Variants in TTF1 observed in about 807,000 individuals in gnomAD.
TTF1 encodes the protein transcription termination factor, RNA polymerase I.
Under a neutral mutation model 80.2 loss-of-function variants are expected in TTF1, and 64 were observed. That is an observed-to-expected ratio of 0.80 (90% CI 0.65 to 0.98). The LOEUF is 0.98. TTF1 is among the 50% of genes least tolerant of loss of function. The pLI is 0.00. For synonymous variants in TTF1, 372 were observed against 382.7 expected (o/e 0.97, Z 0.33); for missense variants, 1,023 against 1,086.2 (o/e 0.94, Z 0.82).
At chr9:132,391,769 C>A (rs1471226592) in intron 6 of TTF1, among the ~76,000 whole-genome samples, 1 of 152,210 alleles carries the variant, frequency 6.6e-6, no homozygotes, top group African/African-American at 2.4e-5. Context: ...CGTGCCACTG[C>A]GGGGAAGTGA....
At chr9:132,392,262 G>A in intron 5 of TTF1, 56 bp from the exon 6 acceptor site, 1 of 1,603,730 alleles carries the variant, frequency 6.2e-7, no homozygotes, top group Non-Finnish European at 8.5e-7. Flanking sequence ...ATTAAAAATG[G>A]TATTCTCATC....
In TTF1 at chr9:132,402,487, A is replaced by G. The variant is rs1204290582; in HGVS notation, c.335T>C (p.Ile112Thr). 6 of 1,614,230 alleles carry G rather than the reference A, an allele frequency of 3.7e-6. No homozygotes were observed. Among genetic ancestry groups the G allele is most frequent in the East Asian group, 2.2e-5 (1 of 44,890 alleles). The change falls in exon 2 of 11, where the codon ATT becomes ACT. Residue 112 changes from isoleucine (I) to threonine (T), a missense_variant. Coordinates refer to ENST00000334270, the MANE Select transcript of TTF1 (RefSeq NM_007344.4). The part of the protein sequence containing the change: ...VTVVLVDKEN[I>T]NNTPKHFRKD... ...TCTAAAATGCTTTGGTGTGTTGTTA[A>G]TATTTTCTTTATCCACAAGGACAAC...
chr9:132,396,587 C>T (rs770954969), intron 4 of TTF1, 76 bp from the exon 5 acceptor site: 9 of 1,226,826 alleles, frequency 7.3e-6, no homozygotes, highest in Non-Finnish European at 1.1e-5. Context: ...CCAGAACAGC[C>T]CTTATAACAA....
Position 132,402,835 on chromosome 9 carries a change from G to A in TTF1, c.-7-7C>T. The A allele has an allele frequency of 6.4e-7, 1 of 1,561,144 alleles. No individual in the cohort carries two copies. Among genetic ancestry groups the A allele is most frequent in the Non-Finnish European group, 8.6e-7 (1 of 1,161,516 alleles). On this transcript the variant is annotated splice_polypyrimidine_tract_variant and splice_region_variant and intron_variant, in intron 1 of 10. Transcript: ENST00000334270. ...TTCTCCTTCCATTTTATTCCTATAT[G>A]GAAATGTGACAACAATGGTTTATTT...
chr9:132,402,177 A>G lies in TTF1; in HGVS notation c.645T>C (p.His215=), dbSNP rs752598521. ...GEITELPASA[H]KNKSKKKKKK... ...TCTTTTTTTTCTTAGACTTGTTTTT[A>G]TGAGCAGATGCTGGTAGTTCTGTAA... is the stretch of plus-strand genomic sequence containing the variant. The change falls in exon 2 of 11, where the codon CAT becomes CAC. Residue 215 remains histidine (H), a synonymous_variant. Coordinates refer to ENST00000334270, the MANE Select transcript of TTF1 (RefSeq NM_007344.4). 6.2e-7 allele frequency: 1 copy of G among 1,613,798 alleles called. No individual in the cohort carries two copies. Among genetic ancestry groups the G allele is most frequent in the Non-Finnish European group, 8.5e-7 (1 of 1,179,954 alleles).
chr9:132,382,741 C>T (rs966199424), intron 9 of TTF1, among the ~76,000 whole-genome samples: 1 of 136,760 alleles, frequency 7.3e-6, no homozygotes. Context: ...CATGGCAAAA[C>T]CCCATCTCTA....
chr9:132,400,317 T>A, intron 2 of TTF1, 59 bp from the exon 3 acceptor site: 1 of 1,458,106 alleles, frequency 6.9e-7, no homozygotes, highest in Non-Finnish European at 9.6e-7. Context: ...CTCATAACTT[T>A]AAAATTTTTC....
chr9:132,379,063 A>C lies in TTF1; in HGVS notation c.2460T>G (p.Phe820Leu). ...VYVPFWQKKT[F>L]PEIIDYLYET... Reference sequence around the variant, plus strand: ...ATAAATATTAAGAATACTAACCTGGAAAAGTCTTTTTCTGCCAAAATGGAA... The same window carrying C: ...ATAAATATTAAGAATACTAACCTGGCAAAGTCTTTTTCTGCCAAAATGGAA... Residue 820 changes from phenylalanine (F) to leucine (L), a missense_variant, in exon 10 of 11, where the codon TTT (phenylalanine) becomes TTG (leucine). Transcript: ENST00000334270. 6.2e-7 allele frequency: 1 copy of C among 1,604,442 alleles called. No homozygotes were observed.
Position 132,402,086 on chromosome 9 carries a change from C to G in TTF1, c.736G>C (p.Ala246Pro). ...TGGGATTCCTGCATATCAGTCCCGG[C>G]CTCTCTGCCTGCTTGCGATCCTTCA... Reference protein sequence around the residue: ...MPEGSQAGREAGTDMQESQPT... With the variant: ...MPEGSQAGREPGTDMQESQPT... The change falls in exon 2 of 11, where the codon GCC (alanine) becomes CCC (proline). Residue 246 changes from alanine (A) to proline (P), a missense_variant. Physicochemically the swap from Ala to Pro is conservative, Grantham distance 27 (BLOSUM62 -1). Transcript: ENST00000334270. 1.2e-6 allele frequency: 2 copies of G among 1,614,124 alleles called. No individual in the cohort carries two copies. The highest frequency in any genetic ancestry group is 1.7e-6 in the Non-Finnish European group (2 of 1,180,036).
chr9:132,381,490 G>A (rs980635360), intron 9 of TTF1, among the ~76,000 whole-genome samples: 6 of 151,998 alleles, frequency 3.9e-5, no homozygotes, highest in Non-Finnish European at 5.9e-5. Flanking sequence ...ACGCCCGGCC[G>A]AAAAGTTGAA....
chr9:132,390,205 C>A (rs890115539), intron 7 of TTF1, among the ~76,000 whole-genome samples: 1 of 152,182 alleles, frequency 6.6e-6, no homozygotes, highest in African/African-American at 2.4e-5. Context: ...GTCTTGAACT[C>A]CTGCCCTCAA....
chr9:132,396,421 CT>C lies in TTF1; in HGVS notation c.1856+11del, dbSNP rs1849649661. 6.2e-7 allele frequency: 1 copy of C among 1,613,738 alleles called. No individual in the cohort carries two copies. Among genetic ancestry groups the C allele is most frequent in the Non-Finnish European group, 8.5e-7 (1 of 1,179,742 alleles). ...GAAATGTTGTCTCAAGCTGCTAAGA[CT>C]TTTTTCTTACCTGCCTTTGTAATTG... On this transcript the variant is annotated intron_variant, in intron 5 of 10. Coordinates refer to ENST00000334270, the MANE Select transcript of TTF1 (RefSeq NM_007344.4).
chr9:132,376,298 A>G, intron 10 of TTF1, 130 bp from the exon 11 acceptor site: 1 of 1,048,856 alleles, frequency 9.5e-7, no homozygotes, highest in African/African-American at 1.6e-5. Flanking sequence ...TCTGGTTCCA[A>G]TTGGTTTACC....
rs113184004 is a variant in TTF1 at position 132,401,580 on chromosome 9, A to G, written c.1242T>C (p.Ser414=). 6.2e-7 allele frequency: 1 copy of G among 1,613,962 alleles called. No individual in the cohort carries two copies. Among genetic ancestry groups the G allele is most frequent in the South Asian group, 1.1e-5 (1 of 91,086 alleles). ...CTACTGAATCAAAGAGTGTGCTCTC[A>G]GAGTTCTTACTGGGCACTGAAAAAT... ...GDDFSVPSKN[S]ESTLFDSVEG... The change falls in exon 2 of 11, where the codon TCT becomes TCC. Residue 414 remains serine, a synonymous_variant. Coordinates refer to ENST00000334270, the MANE Select transcript of TTF1 (RefSeq NM_007344.4).
chr9:132,394,438 C>A lies in TTF1; in HGVS notation c.1856+1995G>T, dbSNP rs1849610702. On this transcript the variant is annotated intron_variant, in intron 5 of 10. Coordinates refer to ENST00000334270, the MANE Select transcript of TTF1 (RefSeq NM_007344.4). Reference sequence around the variant, plus strand: ...GGGATTATAAGCGTTTGCCACCACGCCAGGCTAATTTTTGTATTTTTAGTA... The same window carrying A: ...GGGATTATAAGCGTTTGCCACCACGACAGGCTAATTTTTGTATTTTTAGTA... Among the ~76,000 whole-genome samples the A allele has an allele frequency of 2.0e-5, 3 of 152,048 alleles. No individual in the cohort carries two copies. The South Asian group carries it at 6.2e-4, about 32-fold the overall frequency.
At chr9:132,396,719 G>C (rs565995277) in intron 4 of TTF1, among the ~76,000 whole-genome samples, 1 of 150,984 alleles carries the variant, frequency 6.6e-6, no homozygotes, top group African/African-American at 2.4e-5. Flanking sequence ...TGAGGCTGGA[G>C]TGCAGTGGCA....
chr9:132,385,955 G>C (rs1471093802), intron 9 of TTF1, among the ~76,000 whole-genome samples: 2 of 152,188 alleles, frequency 1.3e-5, no homozygotes, highest in African/African-American at 2.4e-5. Flanking sequence ...CCAGAGCCTA[G>C]AAAAATGCCT....
intron 5 of TTF1, 33 bp downstream of exon 5, chr9:132,396,400 T>C (rs1849649274): frequency 6.3e-7 from 1 of 1,592,284 alleles, no homozygotes; most frequent in Non-Finnish European, 8.6e-7. Flanking sequence ...ACTAGAGAAA[T>C]GTTGTCTCAA....
intron 3 of TTF1, among the ~76,000 whole-genome samples, chr9:132,399,477 T>C (rs185168383): frequency 4.6e-5 from 7 of 152,236 alleles, no homozygotes; most frequent in Non-Finnish European, 8.8e-5. Context: ...ATTTGTAGTA[T>C]ACAGCCTTAA....
Sources: allele counts gnomAD v4.1 joint callset (sites outside exome capture counted in the v4.1 genomes callset), GRCh38; gene constraint gnomAD v4.1.1; transcripts MANE v1.5; gene names NCBI Gene and HGNC (gene_info 2026-07-23, HGNC 2026-07-21).